The following TOM1L2 variants were observed in gnomAD, a reference collection of about 807,000 sequenced individuals.
TOM1L2 encodes the protein target of myb1 like 2 membrane trafficking protein, also known as TOM1-like protein 2.
A neutral mutation model predicts 67.9 loss-of-function variants in TOM1L2; 31 were observed. The observed-to-expected ratio is 0.46, with a 90% CI of 0.34 to 0.62. TOM1L2 has a LOEUF of 0.62. Among genes scored for constraint, TOM1L2 ranks in the 20% least tolerant of loss-of-function variants. The probability of loss-of-function intolerance (pLI) is 0.01; values close to 1 mark genes in which losing one functional copy is unlikely to be tolerated. For synonymous variants in TOM1L2, 256 were observed against 254.0 expected, an observed-to-expected ratio of 1.01 and a Z score of -0.07; for missense variants, 606 against 663.5, an observed-to-expected ratio of 0.91 and a Z score of 0.95.
Position 17,850,892 on chromosome 17 carries a change from C to G in TOM1L2, c.1338+1G>C. ...GATGAAATAGAAAAGTCGAGTCTCA[C>G]CAGGTCGGTCCTGAGCCACACCTCA... On this transcript the variant is annotated splice_donor_variant, in intron 13 of 14. Transcript: ENST00000379504. LOFTEE classifies it high-confidence loss of function. 1 of 1,614,072 alleles carries G rather than the reference C, an allele frequency of 6.2e-7. No homozygotes were observed. The highest frequency in any genetic ancestry group is 8.5e-7 in the Non-Finnish European group (1 of 1,179,994).
chr17:17,964,594 TA>T (rs2041810787), intron 1 of TOM1L2, among the ~76,000 whole-genome samples: 1 of 152,086 alleles, frequency 6.6e-6, no homozygotes, highest in Non-Finnish European at 1.5e-5. Context: ...CATCGTTTTG[TA>T]AAAAGCACAA....
rs139744493 is a variant in TOM1L2 at position 17,917,999 on chromosome 17, A to G, written c.53-10468T>C. 2.6e-3 allele frequency among the ~76,000 whole-genome samples: 398 copies of G among 152,112 alleles called. 2 individuals carry two copies. The highest frequency in any genetic ancestry group is 7.1e-3 in the South Asian group (34 of 4,810). On this transcript the variant is annotated intron_variant, in intron 1 of 14. Coordinates refer to ENST00000379504, the MANE Select transcript of TOM1L2 (RefSeq NM_001082968.2). The stretch of plus-strand genomic sequence containing the variant: ...CTATGAACACAGGATGTTTTTCCAT[A>G]TATTTATGTCTTCTTTCTTCTTTAA...
chr17:17,949,980 C>A (rs983671698), intron 1 of TOM1L2, among the ~76,000 whole-genome samples: 6 of 151,832 alleles, frequency 4.0e-5, no homozygotes, highest in African/African-American at 1.5e-4. Context: ...ACACCATTCT[C>A]CCGCCTCAGC....
intron 14 of TOM1L2, 104 bp downstream of exon 14, chr17:17,848,719 T>C: frequency 7.7e-7 from 1 of 1,295,566 alleles, no homozygotes; most frequent in Non-Finnish European, 1.1e-6. Flanking sequence ...CTGGCACCAG[T>C]AGGTGCTCTG....
chr17:17,913,123 C>G (rs1263886021), intron 1 of TOM1L2, among the ~76,000 whole-genome samples: 2 of 151,168 alleles, frequency 1.3e-5, no homozygotes, highest in Admixed American at 1.3e-4. Flanking sequence ...TTGCAGTGAG[C>G]CGAGATGGCA....
intron 6 of TOM1L2, among the ~76,000 whole-genome samples, chr17:17,881,155 G>A (rs1336263757): frequency 6.6e-6 from 1 of 152,208 alleles, no homozygotes. Context: ...GATGGTCTGG[G>A]TCCTGAGAGG....
At chr17:17,945,901 CA>C (rs2040929245) in intron 1 of TOM1L2, among the ~76,000 whole-genome samples, 1 of 152,168 alleles carries the variant, frequency 6.6e-6, no homozygotes, top group Admixed American at 6.5e-5. Flanking sequence ...GACAAGGTCT[CA>C]GTGTCACCCA....
At chr17:17,952,810 C>G (rs981880407) in intron 1 of TOM1L2, among the ~76,000 whole-genome samples, 4 of 152,122 alleles carry the variant, frequency 2.6e-5, no homozygotes, top group African/African-American at 9.7e-5. Flanking sequence ...GAGAAGGCAG[C>G]CTCTGGGGTA....
rs183145072 is a variant in TOM1L2 at position 17,921,801 on chromosome 17, G to C, written c.53-14270C>G. On this transcript the variant is annotated intron_variant, in intron 1 of 14. Transcript: ENST00000379504. ...GTCCTGTCTTCCTCTCGGCCTCTTC[G>C]TGCAGTCTGCTTTGCTGCCAATTTC... Among the ~76,000 whole-genome samples, 9 of 152,230 alleles carry C rather than the reference G, an allele frequency of 5.9e-5. No homozygotes were observed. The East Asian group carries it at 1.7e-3, about 29-fold the overall frequency.
intron 1 of TOM1L2, among the ~76,000 whole-genome samples, chr17:17,930,614 G>T (rs536896047): frequency 9.9e-5 from 15 of 152,274 alleles, no homozygotes; most frequent in African/African-American, 3.6e-4. Flanking sequence ...CCCTGTTCCA[G>T]CCCTTTATTA....
At chr17:17,915,552 G>A (rs1186248913) in intron 1 of TOM1L2, among the ~76,000 whole-genome samples, 1 of 151,896 alleles carries the variant, frequency 6.6e-6, no homozygotes, top group East Asian at 1.9e-4. Context: ...TTGTCACCTA[G>A]AATGGAGTGC....
At chr17:17,970,040 TTTGTTG>T (rs924796669) in intron 1 of TOM1L2, among the ~76,000 whole-genome samples, 27 of 152,078 alleles carry the variant, frequency 1.8e-4, no homozygotes, top group African/African-American at 5.3e-4. Flanking sequence ...TATTTGGTTT[TTTGTTG>T]TTGTTGTTGT....
At chr17:17,921,802 T>C (rs1289041465) in intron 1 of TOM1L2, among the ~76,000 whole-genome samples, 1 of 152,138 alleles carries the variant, frequency 6.6e-6, no homozygotes, top group Non-Finnish European at 1.5e-5. Flanking sequence ...GGCCTCTTCG[T>C]GCAGTCTGCT....
intron 12 of TOM1L2, among the ~76,000 whole-genome samples, chr17:17,861,221 G>A (rs1459141956): frequency 6.6e-6 from 1 of 152,186 alleles, no homozygotes; most frequent in South Asian, 2.1e-4. Context: ...GTCTCAGCCT[G>A]TCTCCCACCT....
intron 1 of TOM1L2, among the ~76,000 whole-genome samples, chr17:17,924,503 T>G (rs1212514082): frequency 6.6e-6 from 1 of 152,144 alleles, no homozygotes; most frequent in East Asian, 1.9e-4. Flanking sequence ...CAATGTAGTA[T>G]TATTTAAAAT....
At chr17:17,869,159 C>A in intron 8 of TOM1L2, 181 bp downstream of exon 8, 1 of 1,196,108 alleles carries the variant, frequency 8.4e-7, no homozygotes, top group Non-Finnish European at 1.1e-6. Flanking sequence ...CTGCTCAGTT[C>A]CCAGGAGGAC....
intron 1 of TOM1L2, among the ~76,000 whole-genome samples, chr17:17,956,100 C>T (rs184978945): frequency 5.3e-5 from 8 of 152,312 alleles, no homozygotes; most frequent in South Asian, 2.1e-4. Flanking sequence ...AAAGCCTCCC[C>T]CGCACGAAAA....
chr17:17,879,513 AC>A, intron 7 of TOM1L2, 113 bp downstream of exon 7: 1 of 798,102 alleles, frequency 1.3e-6, no homozygotes, highest in Non-Finnish European at 2.2e-6. Context: ...ACTATCAACA[AC>A]AGGGCCACTG....
intron 1 of TOM1L2, among the ~76,000 whole-genome samples, chr17:17,909,007 C>A (rs1410484760): frequency 2.0e-5 from 3 of 152,076 alleles, no homozygotes; most frequent in Non-Finnish European, 2.9e-5. Flanking sequence ...TGGTGAAACC[C>A]CGTCTCTACT....
Sources: gnomAD v4.1 joint callset for allele counts (sites outside exome capture counted in the v4.1 genomes callset) on GRCh38, gnomAD v4.1.1 for gene constraint, MANE v1.5 for transcripts, NCBI Gene and HGNC (gene_info 2026-07-23, HGNC 2026-07-21) for gene names.